TCF7L2: variants seen among roughly 807,000 people sequenced by gnomAD.
TCF7L2 encodes transcription factor 7 like 2.
A neutral mutation model predicts 77.9 loss-of-function variants in TCF7L2; 23 were observed. That is an observed-to-expected ratio of 0.30 (90% CI 0.21 to 0.42). TCF7L2 has a LOEUF of 0.42. Among genes scored for constraint, TCF7L2 ranks in the 10% least tolerant of loss-of-function variants. The pLI is 1.00. For synonymous variants in TCF7L2, 413 were observed against 340.2 expected (o/e 1.21, Z -2.36); for missense variants, 654 against 793.1 (o/e 0.82, Z 2.11).
At chr10:113,132,153 G>C (rs2066705912) in intron 5 of TCF7L2, 1 of 152,206 alleles carries the variant, frequency 6.6e-6, no homozygotes, top group East Asian at 1.9e-4. Flanking sequence ...TTGAGCATTT[G>C]TGTTTGTTGA....
chr10:112,998,422 T>C (rs2133281143), intron 4 of TCF7L2, among the ~76,000 whole-genome samples: 1 of 152,268 alleles, frequency 6.6e-6, no homozygotes, highest in Admixed American at 6.5e-5. Context: ...GAAAGCAGGA[T>C]TGAGCAGGGG....
At chr10:113,102,484 G>A (rs1377831412) in intron 5 of TCF7L2, among the ~76,000 whole-genome samples, 2 of 150,950 alleles carry the variant, frequency 1.3e-5, no homozygotes, top group East Asian at 3.9e-4. Flanking sequence ...GAGTGCATTG[G>A]TGCAATCTCT....
chr10:113,077,793 AG>A (rs1199374352), intron 5 of TCF7L2, among the ~76,000 whole-genome samples: 5 of 147,242 alleles, frequency 3.4e-5, no homozygotes, highest in African/African-American at 1.3e-4. Context: ...TCTGCCTCCC[AG>A]GTTCAGGCGA....
chr10:113,118,298 T>C (rs2064155475), intron 5 of TCF7L2, among the ~76,000 whole-genome samples: 1 of 152,198 alleles, frequency 6.6e-6, no homozygotes, highest in Non-Finnish European at 1.5e-5. Context: ...ACGAGGCTTA[T>C]ATGTCTGTCT....
At position 113,166,014 on chromosome 10, in the gene TCF7L2, T is replaced by C; in HGVS notation, c.*42T>C. ...CCCGCTGCTTTGTTTATGGTTTTGTTTCACTTTTCTTAATTTGCCCCCCAC... is the reference window on the plus strand; with the variant it reads ...CCCGCTGCTTTGTTTATGGTTTTGTCTCACTTTTCTTAATTTGCCCCCCAC... On this transcript the variant is annotated 3_prime_UTR_variant, in exon 14 of 14. Transcript: ENST00000627217. The C allele has an allele frequency of 7.0e-7, 1 of 1,419,728 alleles. No homozygotes were observed. Among genetic ancestry groups the C allele is most frequent in the Admixed American group, 2.6e-5 (1 of 37,898 alleles). The allele number at this position is 1,419,728 out of a possible 1,614,324, so 87.9% of individuals were successfully genotyped here.
At chr10:113,080,541 G>A (rs1324792318) in intron 5 of TCF7L2, among the ~76,000 whole-genome samples, 1 of 152,178 alleles carries the variant, frequency 6.6e-6, no homozygotes, top group Non-Finnish European at 1.5e-5. Context: ...GAACAAGGTG[G>A]TGTCAAGTTG....
intron 3 of TCF7L2, among the ~76,000 whole-genome samples, chr10:112,962,023 T>C (rs972292208): frequency 6.6e-6 from 1 of 152,170 alleles, no homozygotes; most frequent in Non-Finnish European, 1.5e-5. Context: ...GCATTCTCTC[T>C]AGGATTGTTG....
At chr10:113,036,676 C>G (rs1383290716) in intron 4 of TCF7L2, among the ~76,000 whole-genome samples, 7 of 151,866 alleles carry the variant, frequency 4.6e-5, no homozygotes, top group African/African-American at 1.7e-4. Context: ...TTCTTTCTTT[C>G]TTTCTTTCTT....
Position 113,041,688 on chromosome 10 carries a change from T to TA in TCF7L2, c.552+1571dup, listed in dbSNP as rs568881841. Among the ~76,000 whole-genome samples, 6 of 151,654 alleles carry TA rather than the reference T, an allele frequency of 4.0e-5. No individual in the cohort carries two copies. The East Asian group carries it at 7.7e-4, about 19-fold the overall frequency. On this transcript the variant is annotated intron_variant, in intron 5 of 13. Coordinates refer to ENST00000627217, the MANE Select transcript of TCF7L2 (RefSeq NM_001146274.2). ...GTTTCTCCAAAAGTGAATGCCCTGTTAAAAAAAAATTCTTAACAAATATAC... is the reference window on the plus strand; with the variant it reads ...GTTTCTCCAAAAGTGAATGCCCTGTTAAAAAAAAAATTCTTAACAAATATAC...
intron 3 of TCF7L2, among the ~76,000 whole-genome samples, chr10:112,952,513 T>C (rs2032050093): frequency 6.6e-6 from 1 of 152,150 alleles, no homozygotes; most frequent in South Asian, 2.1e-4. Flanking sequence ...AATGGACTCC[T>C]CCAAGCGGAC....
At chr10:113,054,185 G>T (rs919291337) in intron 5 of TCF7L2, among the ~76,000 whole-genome samples, 2 of 152,218 alleles carry the variant, frequency 1.3e-5, no homozygotes, top group Non-Finnish European at 2.9e-5. Flanking sequence ...AGGGAGATTT[G>T]CATCACAATG....
chr10:113,029,056 T>C (rs12243326), intron 4 of TCF7L2, among the ~76,000 whole-genome samples: 40,663 of 152,100 alleles, frequency 0.27, 5,816 homozygotes, highest in Middle Eastern at 0.34. Context: ...TTACATGGTT[T>C]ATCCTTCAAG....
chr10:113,114,934 A>G (rs1314965222), intron 5 of TCF7L2, among the ~76,000 whole-genome samples: 1 of 152,254 alleles, frequency 6.6e-6, no homozygotes, highest in Non-Finnish European at 1.5e-5. Flanking sequence ...GGTACCGTCC[A>G]GTAAATCTTA....
intron 4 of TCF7L2, among the ~76,000 whole-genome samples, chr10:113,014,034 G>A (rs946736421): frequency 6.6e-6 from 1 of 152,180 alleles, no homozygotes. Flanking sequence ...GGGTCCCTGC[G>A]CTGTCTCAAA....
At chr10:113,046,920 C>T (rs1029062704) in intron 5 of TCF7L2, among the ~76,000 whole-genome samples, 1 of 152,046 alleles carries the variant, frequency 6.6e-6, no homozygotes, top group Non-Finnish European at 1.5e-5. Context: ...TCATAGTGCT[C>T]AGTATTTCCA....
At chr10:113,078,157 A>G (rs1274848041) in intron 5 of TCF7L2, among the ~76,000 whole-genome samples, 1 of 151,864 alleles carries the variant, frequency 6.6e-6, no homozygotes, top group Non-Finnish European at 1.5e-5. Context: ...GCTAGTTCAT[A>G]TTTGCTTTAA....
chr10:113,034,503 T>C (rs2050796274), intron 4 of TCF7L2, among the ~76,000 whole-genome samples: 2 of 152,208 alleles, frequency 1.3e-5, no homozygotes, highest in Admixed American at 6.5e-5. Flanking sequence ...AAGCAGAGTA[T>C]TGATTTTGTA....
chr10:113,070,752 AC>A lies in TCF7L2; in HGVS notation c.552+30629del, dbSNP rs897487862. 8.9e-4 allele frequency among the ~76,000 whole-genome samples: 136 copies of A among 152,202 alleles called. 1 individual carries two copies. Among genetic ancestry groups the A allele is most frequent in the African/African-American group, 3.2e-3 (134 of 41,530 alleles). On this transcript the variant is annotated intron_variant, in intron 5 of 13. Coordinates refer to ENST00000627217, the MANE Select transcript of TCF7L2 (RefSeq NM_001146274.2). ...CTATTTGCTATAGTTAAAGCAAGGA[AC>A]CCTCCTTCTTAAAAAATTATACAGT...
At chr10:113,046,622 A>G (rs972143878) in intron 5 of TCF7L2, among the ~76,000 whole-genome samples, 5 of 152,196 alleles carry the variant, frequency 3.3e-5, no homozygotes, top group African/African-American at 1.2e-4. Context: ...TATTAATTGT[A>G]ATTCAAATCA....
Sources: allele counts gnomAD v4.1 joint callset (sites outside exome capture counted in the v4.1 genomes callset), GRCh38; gene constraint gnomAD v4.1.1; transcripts MANE v1.5; gene names NCBI Gene and HGNC (gene_info 2026-07-23, HGNC 2026-07-21).